The following ST3GAL3 variants were observed in gnomAD, a reference collection of about 807,000 sequenced individuals.
The protein encoded by ST3GAL3 is ST3 beta-galactoside alpha-2,3-sialyltransferase 3.
ST3GAL3 carries 21 observed loss-of-function variants against 50.1 expected under a neutral mutation model. That is an observed-to-expected ratio of 0.42 (90% CI 0.30 to 0.60). The LOEUF (loss-of-function observed/expected upper bound fraction) is 0.60. Among genes scored for constraint, ST3GAL3 ranks in the 20% least tolerant of loss-of-function variants. ST3GAL3 has a pLI of 0.19. For synonymous variants in ST3GAL3, 183 were observed against 190.0 expected (o/e 0.96, Z 0.30); for missense variants, 353 against 489.4 (o/e 0.72, Z 2.63).
At position 43,748,601 on chromosome 1, in the gene ST3GAL3, T is replaced by C. The variant is rs564738196; in HGVS notation, c.118+12221T>C. Reference sequence around the variant, plus strand: ...GCCCAGCCAATTTAAAAAAAAAATTTTTATAAAGACAGGGTTTTACATTGT... The same window carrying C: ...GCCCAGCCAATTTAAAAAAAAAATTCTTATAAAGACAGGGTTTTACATTGT... On this transcript the variant is annotated intron_variant, in intron 2 of 11. Coordinates refer to ENST00000347631, the MANE Select transcript of ST3GAL3 (RefSeq NM_006279.5). Among the ~76,000 whole-genome samples, 388 of 152,188 alleles carry C rather than the reference T, an allele frequency of 2.5e-3. 2 individuals carry two copies. Among genetic ancestry groups the C allele is most frequent in the African/African-American group, 8.8e-3 (367 of 41,526 alleles).
intron 11 of ST3GAL3, among the ~76,000 whole-genome samples, chr1:43,927,502 G>A (rs1465369469): frequency 6.6e-6 from 1 of 152,190 alleles, no homozygotes; most frequent in African/African-American, 2.4e-5. Context: ...TGTTGACCCT[G>A]ACCCATCAAA....
intron 5 of ST3GAL3, among the ~76,000 whole-genome samples, chr1:43,858,474 A>G (rs539141490): frequency 1.3e-4 from 20 of 152,320 alleles, no homozygotes; most frequent in African/African-American, 4.1e-4. Flanking sequence ...TTGAGGATTG[A>G]TCTTGTCAGA....
intron 2 of ST3GAL3, among the ~76,000 whole-genome samples, chr1:43,788,480 T>G (rs2057628886): frequency 6.6e-6 from 1 of 152,182 alleles, no homozygotes; most frequent in South Asian, 2.1e-4. Flanking sequence ...CTGCGGAGAC[T>G]CTTTGTGTGA....
intron 3 of ST3GAL3, among the ~76,000 whole-genome samples, chr1:43,797,640 T>G (rs1472933996): frequency 1.3e-5 from 2 of 152,248 alleles, no homozygotes; most frequent in Non-Finnish European, 2.9e-5. Flanking sequence ...AACTTCTTCA[T>G]CCTGACATCG....
chr1:43,902,148 AC>A (rs1288834001), intron 9 of ST3GAL3, among the ~76,000 whole-genome samples: 1 of 152,120 alleles, frequency 6.6e-6, no homozygotes, highest in Non-Finnish European at 1.5e-5. Context: ...TGCCCTAGTC[AC>A]CAGCTTGTCC....
intron 5 of ST3GAL3, among the ~76,000 whole-genome samples, chr1:43,859,622 C>T (rs2069394809): frequency 6.6e-6 from 1 of 152,190 alleles, no homozygotes; most frequent in African/African-American, 2.4e-5. Context: ...CTTTGCTGCT[C>T]AGCCCCTTCA....
intron 2 of ST3GAL3, among the ~76,000 whole-genome samples, chr1:43,787,600 A>G (rs2057504921): frequency 6.6e-6 from 1 of 152,244 alleles, no homozygotes; most frequent in Non-Finnish European, 1.5e-5. Flanking sequence ...TCTGAAGTTT[A>G]AAAATGTGTG....
chr1:43,756,100 C>CA (rs139101819), intron 2 of ST3GAL3, among the ~76,000 whole-genome samples: 17,892 of 72,110 alleles, frequency 0.25, 2,961 homozygotes, highest in Middle Eastern at 0.43. Flanking sequence ...GAACCAGTCT[C>CA]AAAAAAAAAA....
intron 1 of ST3GAL3, among the ~76,000 whole-genome samples, chr1:43,716,862 G>A (rs1009311513): frequency 5.9e-5 from 9 of 152,252 alleles, no homozygotes; most frequent in African/African-American, 1.7e-4. Flanking sequence ...TGTACATCCC[G>A]TACATCCCCT....
At chr1:43,829,345 C>T (rs1275412345) in intron 4 of ST3GAL3, among the ~76,000 whole-genome samples, 1 of 152,200 alleles carries the variant, frequency 6.6e-6, no homozygotes, top group African/African-American at 2.4e-5. Flanking sequence ...ACCCCAGATA[C>T]TGCTGAATAA....
At chr1:43,715,955 C>A (rs912405088) in intron 1 of ST3GAL3, among the ~76,000 whole-genome samples, 1 of 152,144 alleles carries the variant, frequency 6.6e-6, no homozygotes, top group Non-Finnish European at 1.5e-5. Context: ...AACTCATGGA[C>A]CCCCTAAAAG....
At chr1:43,825,345 A>G (rs2062649576) in intron 4 of ST3GAL3, among the ~76,000 whole-genome samples, 1 of 152,188 alleles carries the variant, frequency 6.6e-6, no homozygotes, top group Non-Finnish European at 1.5e-5. Context: ...AACTTTCATT[A>G]TGGGCTATAG....
rs1213817322 is a variant in ST3GAL3, at chr1:43,778,649, T to TC, written c.119-13453_119-13452insC. On this transcript the variant is annotated intron_variant, in intron 2 of 11. Transcript: ENST00000347631. Reference sequence around the variant, plus strand: ...CAGATTTCTTTTCTTTTTTTCTTTTTTTTTTTTTTTTTTTGAGACGGAGTC... The same window carrying TC: ...CAGATTTCTTTTCTTTTTTTCTTTTTCTTTTTTTTTTTTTTGAGACGGAGTC... Among the ~76,000 whole-genome samples the TC allele has an allele frequency of 2.9e-3, 409 of 141,980 alleles. 2 individuals carry two copies. The highest frequency in any genetic ancestry group is 9.4e-3 in the African/African-American group (371 of 39,320). The allele number at this position is 141,980 out of a possible 152,430, so 93.1% of individuals were successfully genotyped here.
intron 2 of ST3GAL3, among the ~76,000 whole-genome samples, chr1:43,758,100 C>G (rs959304236): frequency 6.6e-6 from 1 of 151,250 alleles, no homozygotes; most frequent in African/African-American, 2.4e-5. Flanking sequence ...GTATTAAATG[C>G]GAATTAAAAC....
At chr1:43,716,716 G>C (rs1333407466) in intron 1 of ST3GAL3, among the ~76,000 whole-genome samples, 2 of 152,146 alleles carry the variant, frequency 1.3e-5, no homozygotes, top group African/African-American at 4.8e-5. Context: ...AACCTCATGT[G>C]CGACAGACAT....
intron 9 of ST3GAL3, among the ~76,000 whole-genome samples, chr1:43,908,840 C>T (rs562120088): frequency 6.6e-6 from 1 of 152,248 alleles, no homozygotes; most frequent in East Asian, 1.9e-4. Context: ...CCATGTTGGC[C>T]AGGCTGCTCT....
chr1:43,753,041 T>C (rs1686759438), intron 2 of ST3GAL3, among the ~76,000 whole-genome samples: 1 of 152,248 alleles, frequency 6.6e-6, no homozygotes, highest in African/African-American at 2.4e-5. Flanking sequence ...TCAGTACTCA[T>C]TGTAAAGGTT....
At chr1:43,718,018 A>G (rs1220217865) in intron 1 of ST3GAL3, among the ~76,000 whole-genome samples, 1 of 144,698 alleles carries the variant, frequency 6.9e-6, no homozygotes. Flanking sequence ...GGTTACAGGC[A>G]TGTGCCACCA....
intron 5 of ST3GAL3, among the ~76,000 whole-genome samples, chr1:43,884,325 T>C (rs2075629795): frequency 6.6e-6 from 1 of 152,158 alleles, no homozygotes; most frequent in Non-Finnish European, 1.5e-5. Flanking sequence ...TACCATCCTT[T>C]CTCCTTCGAC....
Sources: gnomAD v4.1 joint callset for allele counts (sites outside exome capture counted in the v4.1 genomes callset) on GRCh38, gnomAD v4.1.1 for gene constraint, MANE v1.5 for transcripts, NCBI Gene and HGNC (gene_info 2026-07-23, HGNC 2026-07-21) for gene names.